Variants in FAR1 observed in about 807,000 individuals in gnomAD.
The protein encoded by FAR1 is fatty acyl-CoA reductase 1, also known as male sterility domain-containing protein 2.
A neutral mutation model predicts 61.1 loss-of-function variants in FAR1; 22 were observed. The ratio of observed to expected loss-of-function variants is 0.36; its 90% CI spans 0.26 to 0.51. The LOEUF (loss-of-function observed/expected upper bound fraction) is 0.51, where lower values mean the gene tolerates loss of function less well. Ranked by LOEUF, FAR1 falls within the 20% of genes least tolerant of loss-of-function variation. The pLI is 0.95. For synonymous variants in FAR1, 206 were observed against 209.7 expected (o/e 0.98, Z 0.15); for missense variants, 359 against 626.9 (o/e 0.57, Z 4.56).
intron 10 of FAR1, among the ~76,000 whole-genome samples, chr11:13,722,493 G>GAGAT (rs1462846480): frequency 7.1e-6 from 1 of 141,252 alleles, no homozygotes; most frequent in Non-Finnish European, 1.5e-5. Flanking sequence ...CTTTTTTTTT[G>GAGAT]AGATAGAGTT....
intron 11 of FAR1, among the ~76,000 whole-genome samples, chr11:13,728,304 C>G (rs1245876489): frequency 6.6e-6 from 1 of 151,734 alleles, no homozygotes; most frequent in East Asian, 1.9e-4. Flanking sequence ...GTGACTGTCA[C>G]CTGTAACTGA....
At chr11:13,672,563 G>GAA (rs1565336581) in intron 1 of FAR1, among the ~76,000 whole-genome samples, 7 of 150,046 alleles carry the variant, frequency 4.7e-5, no homozygotes, top group African/African-American at 1.7e-4. Context: ...AAAAAAAAGT[G>GAA]AGCATTATTT....
intron 2 of FAR1, among the ~76,000 whole-genome samples, chr11:13,698,966 C>G (rs959128035): frequency 1.3e-5 from 2 of 152,168 alleles, no homozygotes; most frequent in Non-Finnish European, 2.9e-5. Context: ...CCTGCATACT[C>G]TATGTTCCAG....
At chr11:13,727,765 G>A in intron 11 of FAR1, 82 bp downstream of exon 11, 1 of 1,279,658 alleles carries the variant, frequency 7.8e-7, no homozygotes, top group African/African-American at 1.5e-5. Context: ...TGGTATATTT[G>A]CTATATCTGT....
chr11:13,688,280 TATA>T (rs1240490210), intron 1 of FAR1, among the ~76,000 whole-genome samples: 5 of 152,004 alleles, frequency 3.3e-5, no homozygotes, highest in African/African-American at 1.2e-4. Flanking sequence ...TGTAAGTCAT[TATA>T]GTAGTATAAA....
intron 1 of FAR1, among the ~76,000 whole-genome samples, chr11:13,673,170 A>G (rs1591251707): frequency 6.6e-6 from 1 of 152,358 alleles, no homozygotes; most frequent in East Asian, 1.9e-4. Flanking sequence ...AATGATTCCC[A>G]AACCAATAGG....
intron 1 of FAR1, among the ~76,000 whole-genome samples, chr11:13,687,008 T>C (rs535196106): frequency 6.6e-6 from 1 of 152,204 alleles, no homozygotes; most frequent in Non-Finnish European, 1.5e-5. Context: ...TCTTAGGATC[T>C]CATAGCTGCT....
intron 10 of FAR1, among the ~76,000 whole-genome samples, chr11:13,724,997 C>G (rs1411371856): frequency 6.6e-6 from 1 of 152,144 alleles, no homozygotes; most frequent in African/African-American, 2.4e-5. Flanking sequence ...CTCTGTCTTC[C>G]CAGAGGGAAC....
At chr11:13,724,524 T>C (rs981371335) in intron 10 of FAR1, among the ~76,000 whole-genome samples, 1 of 131,656 alleles carries the variant, frequency 7.6e-6, no homozygotes, top group African/African-American at 2.9e-5. Context: ...CACTCCAGCC[T>C]GGGTGACAGA....
At chr11:13,687,070 G>C (rs545830875) in intron 1 of FAR1, among the ~76,000 whole-genome samples, 2 of 152,256 alleles carry the variant, frequency 1.3e-5, no homozygotes, top group South Asian at 4.1e-4. Context: ...ATCTTAAGTA[G>C]CTTTGTATTA....
chr11:13,700,852 C>T (rs1848363279), intron 3 of FAR1, among the ~76,000 whole-genome samples: 1 of 151,964 alleles, frequency 6.6e-6, no homozygotes, highest in Non-Finnish European at 1.5e-5. Flanking sequence ...TACATCATAT[C>T]CATGTGAAAA....
chr11:13,694,280 T>C (rs965368175), intron 1 of FAR1, among the ~76,000 whole-genome samples: 24 of 152,238 alleles, frequency 1.6e-4, no homozygotes, highest in African/African-American at 5.3e-4. Context: ...GTGTCACCTC[T>C]TCTTGTTTCA....
chr11:13,691,794 C>T (rs568856489), intron 1 of FAR1, among the ~76,000 whole-genome samples: 2 of 152,254 alleles, frequency 1.3e-5, no homozygotes, highest in South Asian at 2.1e-4. Context: ...GCTATTTGTG[C>T]CACTTGGCTA....
At chr11:13,684,968 A>G (rs1261234102) in intron 1 of FAR1, among the ~76,000 whole-genome samples, 2 of 152,062 alleles carry the variant, frequency 1.3e-5, no homozygotes, top group African/African-American at 2.4e-5. Context: ...TACCTTATTA[A>G]CTCTACTGCC....
Position 13,727,693 on chromosome 11 carries a change from A to T in FAR1, c.1385+10A>T, listed in dbSNP as rs371916218. 6 of 1,592,058 alleles carry T rather than the reference A, an allele frequency of 3.8e-6. No homozygotes were observed. The highest frequency in any genetic ancestry group is 5.1e-6 in the Non-Finnish European group (6 of 1,171,448). ...GAAAACATCTGAACAAGTGAGTTTG[A>T]TGCATGGATTTGATTGCTTCTTGTC... On this transcript the variant is annotated intron_variant, in intron 11 of 11. Coordinates refer to ENST00000354817, the MANE Select transcript of FAR1 (RefSeq NM_032228.6).
intron 1 of FAR1, among the ~76,000 whole-genome samples, chr11:13,691,783 G>A (rs1301040425): frequency 2.0e-5 from 3 of 152,100 alleles, no homozygotes; most frequent in African/African-American, 7.2e-5. Flanking sequence ...TTGACATGTG[G>A]GCTATTTGTG....
rs1399415418 is a variant in FAR1, at chr11:13,731,144, A to T, written c.*2370A>T. On this transcript the variant is annotated 3_prime_UTR_variant, in exon 12 of 12. Coordinates refer to ENST00000354817, the MANE Select transcript of FAR1 (RefSeq NM_032228.6). ...GGGGTTTTTCCCCCTATTCAGTTTTAATCTTGGAATATGCATTTGTAAATT... is the reference window on the plus strand; with the variant it reads ...GGGGTTTTTCCCCCTATTCAGTTTTTATCTTGGAATATGCATTTGTAAATT... 6.6e-6 allele frequency: 1 copy of T among 152,556 alleles called. No homozygotes were observed. The highest frequency in any genetic ancestry group is 1.5e-5 in the Non-Finnish European group (1 of 68,002). 9.5% of individuals were successfully genotyped at this position (152,556 alleles called of 1,614,324 possible). A position where few individuals can be genotyped will look rare whatever the true frequency, so the allele number is the denominator to read the frequency against.
chr11:13,699,187 GGTTA>G (rs1285602517), intron 2 of FAR1, among the ~76,000 whole-genome samples: 1 of 151,974 alleles, frequency 6.6e-6, no homozygotes, highest in Non-Finnish European at 1.5e-5. Context: ...TTTAAAGCTG[GGTTA>G]GTTGTTTCTC....
At position 13,729,471 on chromosome 11, in the gene FAR1, G is replaced by T. The variant is rs926076819; in HGVS notation, c.*697G>T. On this transcript the variant is annotated 3_prime_UTR_variant, in exon 12 of 12. Transcript: ENST00000354817. ...TTGAGAATCCATATCAGCAACATAC[G>T]TGTTTTTTGACAGAAAGTGAAAACA... 1 of 151,866 alleles carries T rather than the reference G, an allele frequency of 6.6e-6. No homozygotes were observed. Among genetic ancestry groups the T allele is most frequent in the African/African-American group, 2.4e-5 (1 of 41,410 alleles). The allele number at this position is 151,866 out of a possible 1,614,324, so 9.4% of individuals were successfully genotyped here. A position where few individuals can be genotyped will look rare whatever the true frequency, so the allele number is the denominator to read the frequency against.
Sources: allele counts gnomAD v4.1 joint callset (sites outside exome capture counted in the v4.1 genomes callset), GRCh38; gene constraint gnomAD v4.1.1; transcripts MANE v1.5; gene names NCBI Gene and HGNC (gene_info 2026-07-23, HGNC 2026-07-21).